Variants in PPIL1 observed in about 807,000 individuals in gnomAD.
PPIL1 encodes peptidyl-prolyl cis-trans isomerase-like 1.
A neutral mutation model predicts 19.4 loss-of-function variants in PPIL1; 14 were observed. The ratio of observed to expected loss-of-function variants is 0.72; its 90% confidence interval spans 0.48 to 1.13. PPIL1 has a LOEUF of 1.13. Ranked by LOEUF, PPIL1 falls within the 50% of genes most tolerant of loss-of-function variation. The probability of loss-of-function intolerance (pLI) is 0.00; values close to 1 mark genes in which losing one functional copy is unlikely to be tolerated. For missense variants in PPIL1, 192 were observed against 218.0 expected, an observed-to-expected ratio of 0.88 and a Z score of 0.75; for synonymous variants, 72 against 73.6, an observed-to-expected ratio of 0.98 and a Z score of 0.11.
At chr6:36,857,488 T>G (rs1264725287) in intron 2 of PPIL1, among the ~76,000 whole-genome samples, 1 of 149,198 alleles carries the variant, frequency 6.7e-6, no homozygotes, top group Non-Finnish European at 1.5e-5. Flanking sequence ...CTCCATAAAT[T>G]TTTTTTTTTT....
Position 36,855,587 on chromosome 6 carries a change from A to C in PPIL1, c.*226T>G. Reference sequence around the variant, plus strand: ...GTAGTAAGTAGTCACCTATTGATAAACAGGGGCATTTGTGCAAATGCTCTG... The same window carrying C: ...GTAGTAAGTAGTCACCTATTGATAACCAGGGGCATTTGTGCAAATGCTCTG... On this transcript the variant is annotated 3_prime_UTR_variant, in exon 4 of 4. Coordinates refer to ENST00000373699, the MANE Select transcript of PPIL1 (RefSeq NM_016059.5). 1.8e-6 allele frequency: 1 copy of C among 564,228 alleles called. No individual in the cohort carries two copies. The highest frequency in any genetic ancestry group is 2.0e-5 in the South Asian group (1 of 49,208). 35.0% of individuals were successfully genotyped at this position (564,228 alleles called of 1,614,324 possible).
intron 2 of PPIL1, among the ~76,000 whole-genome samples, chr6:36,858,231 CAAAAA>C (rs55719434): frequency 0.024 from 1,612 of 68,202 alleles, 11 homozygotes; most frequent in African/African-American, 0.067. Flanking sequence ...AAGACTGTCT[CAAAAA>C]AAAAAAAAAA....
intron 2 of PPIL1, among the ~76,000 whole-genome samples, chr6:36,866,976 T>A (rs1158343809): frequency 2.0e-5 from 3 of 152,166 alleles, no homozygotes; most frequent in African/African-American, 7.2e-5. Context: ...AGTCCAATGG[T>A]GGCGGAGAAC....
At chr6:36,859,011 G>A (rs571788262) in intron 2 of PPIL1, among the ~76,000 whole-genome samples, 30 of 152,282 alleles carry the variant, frequency 2.0e-4, no homozygotes, top group Admixed American at 1.2e-3. Context: ...GCTTCAAAGT[G>A]TGATCCCTGC....
chr6:36,861,603 T>A (rs1373147138), intron 2 of PPIL1, among the ~76,000 whole-genome samples: 3 of 152,176 alleles, frequency 2.0e-5, no homozygotes, highest in Non-Finnish European at 4.4e-5. Flanking sequence ...TTAACTTTTT[T>A]CACTCTTGTA....
chr6:36,856,717 GA>G, intron 2 of PPIL1, 63 bp from the exon 3 acceptor site: 1 of 1,462,536 alleles, frequency 6.8e-7, no homozygotes, highest in Non-Finnish European at 9.6e-7. Context: ...CAGCAAGAAT[GA>G]TGGCCCAGGG....
intron 2 of PPIL1, among the ~76,000 whole-genome samples, chr6:36,869,611 C>A (rs904801663): frequency 5.9e-5 from 9 of 152,088 alleles, no homozygotes; most frequent in African/African-American, 2.2e-4. Flanking sequence ...GACAAGAAAT[C>A]CTGCCCTCCA....
chr6:36,867,722 G>C (rs1416098944), intron 2 of PPIL1, among the ~76,000 whole-genome samples: 2 of 152,248 alleles, frequency 1.3e-5, no homozygotes. Flanking sequence ...GACTTTAAGG[G>C]AGTCTGGGAA....
chr6:36,857,091 A>T (rs1774183319), intron 2 of PPIL1, among the ~76,000 whole-genome samples: 2 of 152,174 alleles, frequency 1.3e-5, no homozygotes, highest in South Asian at 4.1e-4. Context: ...CCCATCACAG[A>T]CATTGCCAAT....
At chr6:36,864,846 C>G (rs1229544919) in intron 2 of PPIL1, among the ~76,000 whole-genome samples, 2 of 152,148 alleles carry the variant, frequency 1.3e-5, no homozygotes, top group Admixed American at 1.3e-4. Flanking sequence ...ATATTATGTA[C>G]TTTTTCATTC....
intron 2 of PPIL1, among the ~76,000 whole-genome samples, chr6:36,868,860 C>A (rs1229086732): frequency 6.6e-6 from 1 of 152,008 alleles, no homozygotes; most frequent in Non-Finnish European, 1.5e-5. Flanking sequence ...ACAACAACAA[C>A]AACAAAAACA....
At chr6:36,868,023 C>G (rs1774428715) in intron 2 of PPIL1, among the ~76,000 whole-genome samples, 1 of 152,010 alleles carries the variant, frequency 6.6e-6, no homozygotes, top group South Asian at 2.1e-4. Flanking sequence ...AACAGAAGGA[C>G]AGAAAGGAGG....
chr6:36,872,855 C>G (rs1170517372), intron 1 of PPIL1, among the ~76,000 whole-genome samples: 1 of 152,218 alleles, frequency 6.6e-6, no homozygotes, highest in Non-Finnish European at 1.5e-5. Flanking sequence ...AGCAATCTAC[C>G]TGCCTTGGCC....
At position 36,871,651 on chromosome 6, in the gene PPIL1, C is replaced by T. The variant is rs575112782; in HGVS notation, c.211+67G>A. The T allele has an allele frequency of 1.3e-4, 194 of 1,524,756 alleles. 1 individual carries two copies. The highest frequency in any genetic ancestry group is 1.9e-4 in the East Asian group (8 of 42,446). 94.5% of individuals were successfully genotyped at this position (1,524,756 alleles called of 1,614,324 possible). The stretch of plus-strand genomic sequence containing the variant: ...CAGAGACTTCAGAAACTAATGCTGG[C>T]TTTAGAAAAAAAGACGAAAAGGAGA... On this transcript the variant is annotated intron_variant, in intron 2 of 3. Coordinates refer to ENST00000373699, the MANE Select transcript of PPIL1 (RefSeq NM_016059.5).
chr6:36,856,074 C>G, intron 3 of PPIL1, 41 bp from the exon 4 acceptor site: 3 of 1,576,046 alleles, frequency 1.9e-6, no homozygotes, highest in Non-Finnish European at 2.6e-6. Context: ...ATAAATAACC[C>G]CACAGGTCCA....
chr6:36,873,934 G>A (rs1471852107), intron 1 of PPIL1, among the ~76,000 whole-genome samples: 2 of 152,124 alleles, frequency 1.3e-5, no homozygotes, highest in Non-Finnish European at 2.9e-5. Flanking sequence ...AAGGTTTTTT[G>A]AGCAGGATCC....
chr6:36,857,069 C>A (rs774893793), intron 2 of PPIL1, among the ~76,000 whole-genome samples: 3 of 152,102 alleles, frequency 2.0e-5, no homozygotes, highest in Non-Finnish European at 4.4e-5. Flanking sequence ...TGCCCCAAGT[C>A]CTATCCCTGT....
chr6:36,868,787 G>T (rs1414277734), intron 2 of PPIL1, among the ~76,000 whole-genome samples: 2 of 152,076 alleles, frequency 1.3e-5, no homozygotes, highest in Non-Finnish European at 2.9e-5. Flanking sequence ...AGTGAGCCAT[G>T]ATTGTATCAC....
intron 2 of PPIL1, among the ~76,000 whole-genome samples, chr6:36,867,091 C>T (rs1774409544): frequency 6.6e-6 from 1 of 152,188 alleles, no homozygotes; most frequent in African/African-American, 2.4e-5. Context: ...AAACTCGGGG[C>T]CTCAACCCGT....
Sources: allele counts gnomAD v4.1 joint callset (sites outside exome capture counted in the v4.1 genomes callset), GRCh38; gene constraint gnomAD v4.1.1; transcripts MANE v1.5; gene names NCBI Gene and HGNC (gene_info 2026-07-23, HGNC 2026-07-21).